TEK: variants seen among roughly 807,000 people sequenced by gnomAD.
The protein encoded by TEK is angiopoietin-1 receptor.
Under a neutral mutation model 131.8 loss-of-function variants are expected in TEK, and 43 were observed. The ratio of observed to expected loss-of-function variants is 0.33; its 90% confidence interval spans 0.26 to 0.42. The LOEUF (loss-of-function observed/expected upper bound fraction) is 0.42, where lower values mean the gene tolerates loss of function less well. TEK is among the 10% of genes least tolerant of loss of function. TEK has a pLI of 1.00. For missense variants in TEK, 1,162 were observed against 1,384.4 expected, an observed-to-expected ratio of 0.84 and a Z score of 2.55; for synonymous variants, 580 against 491.6, an observed-to-expected ratio of 1.18 and a Z score of -2.38.
intron 7 of TEK, among the ~76,000 whole-genome samples, chr9:27,182,451 G>T (rs1189964326): frequency 6.6e-6 from 1 of 152,028 alleles, no homozygotes; most frequent in East Asian, 1.9e-4. Context: ...GATATATCAA[G>T]GAATAACCTT....
At chr9:27,156,909 T>C (rs184438043) in intron 1 of TEK, among the ~76,000 whole-genome samples, 66 of 152,222 alleles carry the variant, frequency 4.3e-4, no homozygotes, top group Admixed American at 4.3e-3. Context: ...ATCCCTGATA[T>C]TTCCACATTT....
chr9:27,219,586 C>T (rs1324893444), intron 20 of TEK, among the ~76,000 whole-genome samples: 1 of 114,506 alleles, frequency 8.7e-6, no homozygotes, highest in African/African-American at 3.0e-5. Context: ...GCAAACCACC[C>T]ACCATGGCAC....
At chr9:27,117,015 C>T (rs554792574) in intron 1 of TEK, among the ~76,000 whole-genome samples, 20 of 151,794 alleles carry the variant, frequency 1.3e-4, no homozygotes, top group Non-Finnish European at 1.9e-4. Context: ...GCGCCTGCCA[C>T]CACGCCCAGC....
chr9:27,163,270 C>T (rs1333062928), intron 2 of TEK, among the ~76,000 whole-genome samples: 1 of 152,236 alleles, frequency 6.6e-6, no homozygotes, highest in Non-Finnish European at 1.5e-5. Context: ...TTAACCATCA[C>T]CCTGTGCTAC....
Position 27,109,484 on chromosome 9 carries a change from C to A in TEK, c.-107C>A. The A allele has an allele frequency of 9.0e-7, 1 of 1,111,316 alleles. No homozygotes were observed. The highest frequency in any genetic ancestry group is 1.4e-6 in the Non-Finnish European group (1 of 722,404). 68.8% of individuals were successfully genotyped at this position (1,111,316 alleles called of 1,614,324 possible). Reference sequence around the variant, plus strand: ...TCTTGCCTCTAACTTGTAAACAAGACGTAGTAGGACGATGCTAATGGAAAG... The same window carrying A: ...TCTTGCCTCTAACTTGTAAACAAGAAGTAGTAGGACGATGCTAATGGAAAG... On this transcript the variant is annotated 5_prime_UTR_variant, in exon 1 of 23. Transcript: ENST00000380036.
In TEK at chr9:27,121,534, A is replaced by G. The variant is rs1288614048; in HGVS notation, c.52+11892A>G. On this transcript the variant is annotated intron_variant, in intron 1 of 22. Coordinates refer to ENST00000380036, the MANE Select transcript of TEK (RefSeq NM_000459.5). Reference sequence around the variant, plus strand: ...TACATATGTATTTTTATATGTATAAATATATTTTCCATATTATATGCAATA... The same window carrying G: ...TACATATGTATTTTTATATGTATAAGTATATTTTCCATATTATATGCAATA... 4.7e-5 allele frequency among the ~76,000 whole-genome samples: 7 copies of G among 150,190 alleles called. No homozygotes were observed. The East Asian group carries it at 1.4e-3, about 29-fold the overall frequency.
chr9:27,200,285 T>C (rs978193096), intron 12 of TEK, among the ~76,000 whole-genome samples: 1 of 152,224 alleles, frequency 6.6e-6, no homozygotes, highest in Non-Finnish European at 1.5e-5. Context: ...GAATCACTAT[T>C]TCCTATTTCA....
intron 1 of TEK, among the ~76,000 whole-genome samples, chr9:27,122,071 C>T (rs142443499): frequency 1.8e-4 from 28 of 152,178 alleles, no homozygotes; most frequent in South Asian, 6.2e-4. Context: ...CACAAAAGGC[C>T]CAGCTAACGA....
At chr9:27,201,767 T>C (rs777666587) in intron 12 of TEK, among the ~76,000 whole-genome samples, 5 of 152,178 alleles carry the variant, frequency 3.3e-5, no homozygotes, top group Non-Finnish European at 5.9e-5. Context: ...AGCAGTAACT[T>C]TCATGTGGAA....
At chr9:27,162,354 T>C (rs62544653) in intron 2 of TEK, among the ~76,000 whole-genome samples, 8,366 of 152,154 alleles carry the variant, frequency 0.055, 283 homozygotes, top group Middle Eastern at 0.14. Flanking sequence ...GCTCACACAC[T>C]CCAAACAGAC....
chr9:27,158,801 A>C (rs1336971795), intron 2 of TEK, among the ~76,000 whole-genome samples: 2 of 151,978 alleles, frequency 1.3e-5, no homozygotes, highest in Non-Finnish European at 2.9e-5. Context: ...CTGGGATTAC[A>C]GGCAAGCACC....
At chr9:27,119,600 GTGGAGAGT>G (rs1431274897) in intron 1 of TEK, among the ~76,000 whole-genome samples, 5 of 14,768 alleles carry the variant, frequency 3.4e-4, no homozygotes, top group Non-Finnish European at 5.8e-4. Context: ...TGCTAAAAAT[GTGGAGAGT>G]CGGGTGGAGA....
chr9:27,179,534 G>T (rs1824286915), intron 6 of TEK, among the ~76,000 whole-genome samples: 1 of 152,094 alleles, frequency 6.6e-6, no homozygotes, highest in South Asian at 2.1e-4. Context: ...GTTACATTAT[G>T]GAGACTCTGG....
intron 15 of TEK, among the ~76,000 whole-genome samples, chr9:27,207,270 T>C (rs1825431714): frequency 6.6e-6 from 1 of 152,228 alleles, no homozygotes; most frequent in Non-Finnish European, 1.5e-5. Context: ...ACCACAGTCT[T>C]CATAGGTTAA....
chr9:27,226,344 A>G (rs1299272870), intron 21 of TEK, among the ~76,000 whole-genome samples: 3 of 152,246 alleles, frequency 2.0e-5, no homozygotes, highest in African/African-American at 4.8e-5. Context: ...ATGCCCATCA[A>G]TGATAAACTG....
chr9:27,163,023 A>T (rs1235806191), intron 2 of TEK, among the ~76,000 whole-genome samples: 3 of 152,164 alleles, frequency 2.0e-5, no homozygotes, highest in African/African-American at 7.2e-5. Flanking sequence ...CACCACAATT[A>T]TTCTTGAGCC....
At chr9:27,223,268 A>G (rs1826166288) in intron 21 of TEK, among the ~76,000 whole-genome samples, 1 of 151,742 alleles carries the variant, frequency 6.6e-6, no homozygotes, top group Non-Finnish European at 1.5e-5. Flanking sequence ...GCTCTGGACC[A>G]AGTAGACCTA....
At chr9:27,175,436 C>T (rs1473848917) in intron 6 of TEK, among the ~76,000 whole-genome samples, 1 of 151,830 alleles carries the variant, frequency 6.6e-6, no homozygotes, top group African/African-American at 2.4e-5. Flanking sequence ...TGAATAGTGC[C>T]ACAATAAACA....
chr9:27,185,935 C>A (rs1164054145), intron 9 of TEK, among the ~76,000 whole-genome samples: 1 of 152,102 alleles, frequency 6.6e-6, no homozygotes, highest in Non-Finnish European at 1.5e-5. Context: ...TTAGGTACCT[C>A]TTAGGGTTAT....
Sources: allele counts gnomAD v4.1 joint callset (sites outside exome capture counted in the v4.1 genomes callset), GRCh38; gene constraint gnomAD v4.1.1; transcripts MANE v1.5; gene names NCBI Gene and HGNC (gene_info 2026-07-23, HGNC 2026-07-21).